KIF26B: variants seen among roughly 807,000 people sequenced by gnomAD.
The protein encoded by KIF26B is kinesin-like protein KIF26B.
Under a neutral mutation model 151.2 loss-of-function variants are expected in KIF26B, and 63 were observed. The ratio of observed to expected loss-of-function variants is 0.42; its 90% CI spans 0.34 to 0.51. KIF26B has a LOEUF of 0.51. Among genes scored for constraint, KIF26B ranks in the 20% least tolerant of loss-of-function variants. The pLI, the probability that KIF26B is intolerant of heterozygous loss-of-function variation, is 0.07. For missense variants in KIF26B, 2,813 were observed against 2,913.6 expected (o/e 0.97, Z 0.79); for synonymous variants, 1,357 against 1,262.1 (o/e 1.08, Z -1.59).
At chr1:245,688,887 C>A (rs541296122) in intron 12 of KIF26B, 80 bp downstream of exon 12, 1 of 1,458,284 alleles carries the variant, frequency 6.9e-7, no homozygotes, top group African/African-American at 1.5e-5. Flanking sequence ...CAGGGTGTCC[C>A]GTGCCCTGGG....
At chr1:245,675,313 A>C (rs2044345090) in intron 10 of KIF26B, among the ~76,000 whole-genome samples, 1 of 152,184 alleles carries the variant, frequency 6.6e-6, no homozygotes, top group South Asian at 2.1e-4. Flanking sequence ...GGTCTAACTC[A>C]GTCTCCAGGT....
intron 10 of KIF26B, among the ~76,000 whole-genome samples, chr1:245,666,538 C>T (rs1254729269): frequency 1.3e-5 from 2 of 151,924 alleles, no homozygotes; most frequent in Non-Finnish European, 2.9e-5. Flanking sequence ...AATGAACAAT[C>T]GGAGGTAGCT....
chr1:245,467,608 T>C (rs1659823548), intron 4 of KIF26B, among the ~76,000 whole-genome samples: 1 of 152,068 alleles, frequency 6.6e-6, no homozygotes, highest in Admixed American at 6.6e-5. Context: ...TTAAACATGG[T>C]TGGAGGCCGG....
chr1:245,179,040 A>G (rs1201038285), intron 2 of KIF26B, among the ~76,000 whole-genome samples: 1 of 152,094 alleles, frequency 6.6e-6, no homozygotes, highest in East Asian at 1.9e-4. Context: ...TATTTGACAG[A>G]TATTCTAAGC....
At chr1:245,361,973 G>C (rs1442094565) in intron 2 of KIF26B, among the ~76,000 whole-genome samples, 2 of 151,704 alleles carry the variant, frequency 1.3e-5, no homozygotes, top group African/African-American at 4.8e-5. Context: ...CGTTCTGATT[G>C]GTTCCTGGCT....
chr1:245,469,381 A>C (rs1266303152), intron 4 of KIF26B, among the ~76,000 whole-genome samples: 1 of 152,242 alleles, frequency 6.6e-6, no homozygotes, highest in Non-Finnish European at 1.5e-5. Context: ...AACTGGCTTT[A>C]ATGTAGAGAT....
intron 2 of KIF26B, among the ~76,000 whole-genome samples, chr1:245,362,658 A>C (rs900714870): frequency 2.0e-5 from 3 of 152,142 alleles, no homozygotes; most frequent in African/African-American, 7.2e-5. Context: ...AGATTTGGCC[A>C]CATTATCTTT....
intron 2 of KIF26B, among the ~76,000 whole-genome samples, chr1:245,250,416 G>A (rs1670421886): frequency 6.6e-6 from 1 of 152,150 alleles, no homozygotes; most frequent in Admixed American, 6.5e-5. Context: ...ACTGTACCTT[G>A]ATTTACTTAG....
chr1:245,365,573 A>G (rs1437275054), intron 2 of KIF26B, among the ~76,000 whole-genome samples: 1 of 149,078 alleles, frequency 6.7e-6, no homozygotes, highest in African/African-American at 2.6e-5. Flanking sequence ...CTTCTACCCC[A>G]TGCAAGCTGA....
intron 2 of KIF26B, among the ~76,000 whole-genome samples, chr1:245,196,116 A>C (rs1669190166): frequency 6.6e-6 from 1 of 152,162 alleles, no homozygotes; most frequent in African/African-American, 2.4e-5. Context: ...ATGGTGACAG[A>C]TCCAAGGACA....
Position 245,646,143 on chromosome 1 carries a change from G to A in KIF26B, c.2121G>A (p.Leu707=). ...KGGMSGGRSR[L]HLIDLGSCVK... ...TAGTGTCTGGAGGTCGCAGCCGCCT[G>A]CATCTCATTGATCTCGGCAGCTGTG... is the stretch of plus-strand genomic sequence containing the variant. Residue 707 remains leucine (L), a synonymous_variant, in exon 10 of 15, where the codon CTG becomes CTA. Transcript: ENST00000407071. 6.2e-7 allele frequency: 1 copy of A among 1,613,932 alleles called. No homozygotes were observed. The highest frequency in any genetic ancestry group is 8.5e-7 in the Non-Finnish European group (1 of 1,179,878).
intron 2 of KIF26B, among the ~76,000 whole-genome samples, chr1:245,233,582 C>CT (rs1180359434): frequency 6.6e-6 from 1 of 152,090 alleles, no homozygotes; most frequent in Admixed American, 6.6e-5. Context: ...ACTGCAGACT[C>CT]TTAGTGTCCA....
chr1:245,635,235 T>C (rs1167089038), intron 9 of KIF26B, among the ~76,000 whole-genome samples: 6 of 152,020 alleles, frequency 3.9e-5, no homozygotes, highest in Non-Finnish European at 8.8e-5. Flanking sequence ...AAATGGTGGG[T>C]AGAATTCACC....
chr1:245,575,863 G>A (rs1391003729), intron 5 of KIF26B, among the ~76,000 whole-genome samples: 2 of 152,066 alleles, frequency 1.3e-5, no homozygotes, highest in Non-Finnish European at 2.9e-5. Flanking sequence ...TGAAAATGAG[G>A]CAACTGTGGC....
intron 10 of KIF26B, chr1:245,673,934 CA>C (rs2044326283): frequency 6.6e-6 from 1 of 152,210 alleles, no homozygotes; most frequent in South Asian, 2.1e-4. Flanking sequence ...AAGAAAAAAT[CA>C]AGGGAGAGCC....
intron 5 of KIF26B, among the ~76,000 whole-genome samples, chr1:245,578,520 C>T (rs542362558): frequency 2.6e-4 from 40 of 152,354 alleles, no homozygotes; most frequent in African/African-American, 9.6e-4. Context: ...CAGCACGAAA[C>T]ATGAGGAGTG....
chr1:245,607,962 T>C (rs2043475188), intron 7 of KIF26B, among the ~76,000 whole-genome samples: 1 of 152,104 alleles, frequency 6.6e-6, no homozygotes, highest in African/African-American at 2.4e-5. Context: ...TCCAAATAGA[T>C]GGAAAGAGAA....
chr1:245,187,947 AG>A (rs1669028128), intron 2 of KIF26B, among the ~76,000 whole-genome samples: 1 of 152,146 alleles, frequency 6.6e-6, no homozygotes, highest in African/African-American at 2.4e-5. Context: ...TTGAATGATG[AG>A]GATGAATGAG....
chr1:245,410,298 A>G (rs565662376), intron 3 of KIF26B, among the ~76,000 whole-genome samples: 2 of 152,334 alleles, frequency 1.3e-5, no homozygotes, highest in African/African-American at 2.4e-5. Flanking sequence ...ACTGGAAGAC[A>G]GAAACCCTGG....
Sources: gnomAD v4.1 joint callset for allele counts (sites outside exome capture counted in the v4.1 genomes callset) on GRCh38, gnomAD v4.1.1 for gene constraint, MANE v1.5 for transcripts, NCBI Gene and HGNC (gene_info 2026-07-23, HGNC 2026-07-21) for gene names.